Variants in MPZL3 observed in about 807,000 individuals in gnomAD.
MPZL3 encodes myelin protein zero like 3.
Under a neutral mutation model 24.8 loss-of-function variants are expected in MPZL3, and 23 were observed. That is an observed-to-expected ratio of 0.93 (90% confidence interval 0.67 to 1.31). MPZL3 has a LOEUF of 1.31. Ranked by LOEUF, MPZL3 falls within the 40% of genes most tolerant of loss-of-function variation. The pLI, the probability that MPZL3 is intolerant of heterozygous loss-of-function variation, is 0.00. For missense variants in MPZL3, 277 were observed against 294.9 expected (o/e 0.94, Z 0.44); for synonymous variants, 99 against 106.5 (o/e 0.93, Z 0.44).
intron 5 of MPZL3, among the ~76,000 whole-genome samples, chr11:118,233,257 A>C (rs1793162): frequency 0.78 from 118,513 of 152,014 alleles, 46,765 homozygotes; most frequent in African/African-American, 0.9. Flanking sequence ...CTGCTCTACG[A>C]CCACGAGACA....
rs192419959 is a variant in MPZL3 at position 118,243,577 on chromosome 11, G to A, written c.74-3200C>T. Among the ~76,000 whole-genome samples, 773 of 152,164 alleles carry A rather than the reference G, an allele frequency of 5.1e-3. 6 individuals carry two copies. The highest frequency in any genetic ancestry group is 0.01 in the Middle Eastern group (3 of 294). On this transcript the variant is annotated intron_variant, in intron 1 of 5. Coordinates refer to ENST00000278949, the MANE Select transcript of MPZL3 (RefSeq NM_198275.3). ...TGAGGCCAGGAGTTCAAGAGCAGCC[G>A]GGGCAACATGGCAAAACCCTGTCTC... is the stretch of plus-strand genomic sequence containing the variant.
chr11:118,242,363 CT>C (rs1305005575), intron 1 of MPZL3, among the ~76,000 whole-genome samples: 1 of 152,194 alleles, frequency 6.6e-6, no homozygotes, highest in Non-Finnish European at 1.5e-5. Context: ...ACATGAAACG[CT>C]TGGCACAGCA....
chr11:118,242,624 T>C (rs1949511546), intron 1 of MPZL3, among the ~76,000 whole-genome samples: 1 of 152,222 alleles, frequency 6.6e-6, no homozygotes, highest in African/African-American at 2.4e-5. Context: ...CAGGTCTCTG[T>C]CTGAAAGGCT....
chr11:118,243,852 A>G (rs766934563), intron 1 of MPZL3, among the ~76,000 whole-genome samples: 2 of 152,096 alleles, frequency 1.3e-5, no homozygotes, highest in Non-Finnish European at 2.9e-5. Context: ...CATCCTTAAA[A>G]ACAAATAGCA....
intron 4 of MPZL3, among the ~76,000 whole-genome samples, chr11:118,235,152 A>C (rs1949406230): frequency 1.3e-5 from 2 of 152,232 alleles, no homozygotes. Flanking sequence ...TGACTTCAGA[A>C]TTTATTCAGA....
rs1250890585 is a variant in MPZL3 at position 118,228,050 on chromosome 11, CA to C, written c.*1843del. 1.3e-5 allele frequency: 2 copies of C among 152,112 alleles called. No homozygotes were observed. The highest frequency in any genetic ancestry group is 2.9e-5 in the Non-Finnish European group (2 of 68,030). The allele number at this position is 152,112 out of a possible 1,614,324, so 9.4% of individuals were successfully genotyped here. On this transcript the variant is annotated 3_prime_UTR_variant, in exon 6 of 6. Coordinates refer to ENST00000278949, the MANE Select transcript of MPZL3 (RefSeq NM_198275.3). ...GTCCCAAAGTACCGTGAGGTTTAAC[CA>C]CTGGAAATGTAAACTGCCGGTCCTG... is the stretch of plus-strand genomic sequence containing the variant.
chr11:118,252,195 T>G (rs767472517), intron 1 of MPZL3, 27 bp downstream of exon 1: 5 of 1,612,152 alleles, frequency 3.1e-6, no homozygotes. Context: ...CGGCCGGAAG[T>G]GGAGCGTAGC....
intron 2 of MPZL3, among the ~76,000 whole-genome samples, chr11:118,239,344 G>A (rs1429531840): frequency 6.6e-6 from 1 of 152,114 alleles, no homozygotes; most frequent in Non-Finnish European, 1.5e-5. Context: ...TTCTATAATG[G>A]CTCCTAACAC....
Position 118,235,566 on chromosome 11 carries a change from C to T in MPZL3, c.475G>A (p.Val159Met), listed in dbSNP as rs185229243. ...AAGACAAGGATGGAAAGAAGGGCCA[C>T]AGAGGAAAGCATGGTGCCAAAACCT... The part of the protein sequence containing the change: ...ERGFGTMLSS[V>M]ALLSILVFVP... The change falls in exon 4 of 6, where the codon GTG becomes ATG. Residue 159 changes from valine (V) to methionine (M), a missense_variant. Transcript: ENST00000278949. 1.2e-6 allele frequency: 2 copies of T among 1,613,864 alleles called. No individual in the cohort carries two copies. Among genetic ancestry groups the T allele is most frequent in the Non-Finnish European group, 1.7e-6 (2 of 1,179,860 alleles).
rs1418485892 is a variant in MPZL3, at chr11:118,240,783, A to ACACACACACACACT, written c.74-407_74-406insAGTGTGTGTGTGTG. ...CACACACACACACACACACACACAC[A>ACACACACACACACT]CTCTGGGAATATGGCAGCTTTTGTG... On this transcript the variant is annotated intron_variant, in intron 1 of 5. Coordinates refer to ENST00000278949, the MANE Select transcript of MPZL3 (RefSeq NM_198275.3). Among the ~76,000 whole-genome samples the ACACACACACACACT allele has an allele frequency of 5.5e-3, 773 of 140,366 alleles. 12 individuals carry two copies. Among genetic ancestry groups the ACACACACACACACT allele is most frequent in the Non-Finnish European group, 7.5e-3 (486 of 64,608 alleles). The allele number at this position is 140,366 out of a possible 152,430, so 92.1% of individuals were successfully genotyped here.
chr11:118,242,815 A>G (rs1442843731), intron 1 of MPZL3, among the ~76,000 whole-genome samples: 1 of 152,208 alleles, frequency 6.6e-6, no homozygotes, highest in Non-Finnish European at 1.5e-5. Context: ...ACAGGCACAG[A>G]TGCCATCGAT....
chr11:118,237,413 G>A (rs1949440841), intron 2 of MPZL3, among the ~76,000 whole-genome samples, 153 bp from the exon 3 acceptor site: 1 of 151,822 alleles, frequency 6.6e-6, no homozygotes, highest in African/African-American at 2.4e-5. Context: ...CATCCTATAG[G>A]TTAATAAAAC....
chr11:118,239,022 A>C (rs2134704250), intron 2 of MPZL3, among the ~76,000 whole-genome samples: 1 of 152,362 alleles, frequency 6.6e-6, no homozygotes, highest in South Asian at 2.1e-4. Flanking sequence ...ATCCTGATTG[A>C]CTAACCCCAT....
chr11:118,243,523 C>T (rs1405780988), intron 1 of MPZL3, among the ~76,000 whole-genome samples: 1 of 152,178 alleles, frequency 6.6e-6, no homozygotes, highest in Non-Finnish European at 1.5e-5. Context: ...AATCCCAGCA[C>T]TTTGGGAGGC....
At chr11:118,233,609 A>C in intron 4 of MPZL3, 86 bp from the exon 5 acceptor site, 2 of 1,396,242 alleles carry the variant, frequency 1.4e-6, no homozygotes, top group Non-Finnish European at 1.0e-6. Context: ...GAAATCAGAC[A>C]GGTCTGGTTT....
intron 4 of MPZL3, 92 bp from the exon 5 acceptor site, chr11:118,233,615 G>T: frequency 7.6e-7 from 1 of 1,322,502 alleles, no homozygotes. Context: ...AGACAGGTCT[G>T]GTTTTAGATT....
intron 5 of MPZL3, 38 bp downstream of exon 5, chr11:118,233,422 G>T: frequency 1.2e-6 from 2 of 1,610,742 alleles, no homozygotes; most frequent in Non-Finnish European, 1.7e-6. Flanking sequence ...AGGAAAGTGG[G>T]ACATCAACAG....
chr11:118,251,586 G>C (rs183833337), intron 1 of MPZL3, among the ~76,000 whole-genome samples: 104 of 152,220 alleles, frequency 6.8e-4, no homozygotes, highest in Non-Finnish European at 1.1e-3. Flanking sequence ...GTGAATGTCA[G>C]TGTGAATACC....
At chr11:118,241,752 C>T (rs1315849387) in intron 1 of MPZL3, among the ~76,000 whole-genome samples, 1 of 152,186 alleles carries the variant, frequency 6.6e-6, no homozygotes, top group Admixed American at 6.5e-5. Context: ...TTTTCTTGCT[C>T]CTCTCTAGAC....
Sources: allele counts gnomAD v4.1 joint callset (sites outside exome capture counted in the v4.1 genomes callset), GRCh38; gene constraint gnomAD v4.1.1; transcripts MANE v1.5; gene names NCBI Gene and HGNC (gene_info 2026-07-23, HGNC 2026-07-21).